The following FDFT1 variants were observed in gnomAD, a reference collection of about 807,000 sequenced individuals.
FDFT1 encodes the protein squalene synthase.
FDFT1 carries 68 observed loss-of-function variants against 46.8 expected under a neutral mutation model. The observed-to-expected ratio is 1.45, with a 90% CI of 1.19 to 1.78. FDFT1 has a LOEUF of 1.78. Among genes scored for constraint, FDFT1 ranks in the 40% most tolerant of loss-of-function variants. The pLI is 0.00. For synonymous variants in FDFT1, 351 were observed against 185.1 expected, an observed-to-expected ratio of 1.90 and a Z score of -7.28; for missense variants, 928 against 524.4, an observed-to-expected ratio of 1.77 and a Z score of -7.52.
chr8:11,806,452 CAG>C lies in FDFT1; in HGVS notation c.100-2341_100-2340del, dbSNP rs1806846101. On this transcript the variant is annotated intron_variant, in intron 1 of 7. Transcript: ENST00000220584. Reference sequence around the variant, plus strand: ...GTAAGGGACTGAAACAAATAGGTGACAGGAAAAAGAGCAGCAGGGGTACGAGC... The same window carrying C: ...GTAAGGGACTGAAACAAATAGGTGACGAAAAAGAGCAGCAGGGGTACGAGC... Among the ~76,000 whole-genome samples the C allele has an allele frequency of 2.0e-5, 3 of 152,010 alleles. No homozygotes were observed. The South Asian group carries it at 6.2e-4, about 32-fold the overall frequency.
At chr8:11,837,262 G>C (rs1271841317) in intron 7 of FDFT1, among the ~76,000 whole-genome samples, 1 of 152,204 alleles carries the variant, frequency 6.6e-6, no homozygotes, top group Non-Finnish European at 1.5e-5. Flanking sequence ...ACAGGGTCTT[G>C]TTCTGTCATC....
intron 1 of FDFT1, among the ~76,000 whole-genome samples, chr8:11,804,745 T>C (rs146923473): frequency 0.012 from 1,791 of 151,732 alleles, 45 homozygotes; most frequent in African/African-American, 0.041. Context: ...TAGCTGGGAT[T>C]ACAGGCACCT....
intron 7 of FDFT1, among the ~76,000 whole-genome samples, chr8:11,835,767 G>C (rs896959578): frequency 3.3e-5 from 5 of 152,094 alleles, no homozygotes; most frequent in East Asian, 3.9e-4. Flanking sequence ...GTGTAGTTTG[G>C]TGCTGATGTT....
At chr8:11,806,685 G>A (rs1020316933) in intron 1 of FDFT1, among the ~76,000 whole-genome samples, 1 of 152,194 alleles carries the variant, frequency 6.6e-6, no homozygotes, top group Non-Finnish European at 1.5e-5. Context: ...ACTTCCTGCT[G>A]TAGCCTGGTA....
intron 3 of FDFT1, among the ~76,000 whole-genome samples, chr8:11,810,183 A>T (rs1045069982): frequency 2.6e-5 from 4 of 151,646 alleles, no homozygotes; most frequent in East Asian, 3.8e-4. Context: ...AATGTTAGCT[A>T]CTGCTGTTAT....
chr8:11,803,018 G>A (rs889898653), intron 1 of FDFT1, 87 bp downstream of exon 1: 1 of 1,513,776 alleles, frequency 6.6e-7, no homozygotes. Flanking sequence ...CCGGATCTGG[G>A]GCAAGGGGCG....
chr8:11,810,410 C>T (rs1213849702), intron 3 of FDFT1, among the ~76,000 whole-genome samples: 1 of 152,198 alleles, frequency 6.6e-6, no homozygotes, highest in Admixed American at 6.5e-5. Context: ...CTGTTGGCAG[C>T]TAGGGCGAGC....
upstream of FDFT1, chr8:11,802,441 G>A (rs527381721): frequency 1.7e-5 from 8 of 460,660 alleles, no homozygotes; most frequent in East Asian, 6.8e-5. Flanking sequence ...CACAGCGTTC[G>A]CGCTCCCAGC....
chr8:11,819,845 T>A (rs796170847), intron 3 of FDFT1, among the ~76,000 whole-genome samples: 5 of 152,256 alleles, frequency 3.3e-5, no homozygotes, highest in African/African-American at 1.2e-4. Context: ...AGCCTACTTC[T>A]GTCAACTCGT....
At chr8:11,826,518 G>A (rs956162531) in intron 5 of FDFT1, among the ~76,000 whole-genome samples, 1 of 152,100 alleles carries the variant, frequency 6.6e-6, no homozygotes, top group Non-Finnish European at 1.5e-5. Context: ...AAGTTCTTAG[G>A]AATGGCTTTG....
intron 7 of FDFT1, among the ~76,000 whole-genome samples, chr8:11,836,769 C>G (rs983006646): frequency 6.6e-6 from 1 of 152,250 alleles, no homozygotes; most frequent in African/African-American, 2.4e-5. Context: ...GGTGGAGTGG[C>G]TCACGCCTGT....
At chr8:11,802,418 CA>C (rs1563289589), upstream of FDFT1, 1 of 458,134 alleles carries the variant, frequency 2.2e-6, no homozygotes. Flanking sequence ...CCCACCGCCT[CA>C]CCTCCAGTCC....
intron 1 of FDFT1, among the ~76,000 whole-genome samples, chr8:11,806,768 T>G (rs1806899135): frequency 1.3e-5 from 2 of 152,290 alleles, no homozygotes; most frequent in East Asian, 3.9e-4. Context: ...CACTCTGAAA[T>G]CCTGCCTCTC....
At chr8:11,815,517 C>G (rs1214211000) in intron 3 of FDFT1, among the ~76,000 whole-genome samples, 1 of 152,214 alleles carries the variant, frequency 6.6e-6, no homozygotes, top group African/African-American at 2.4e-5. Context: ...TTCTCCACAT[C>G]CTCTCCAGCA....
At chr8:11,838,362 A>T in intron 7 of FDFT1, 26 bp from the exon 8 acceptor site, 1 of 1,562,236 alleles carries the variant, frequency 6.4e-7, no homozygotes, top group South Asian at 1.1e-5. Flanking sequence ...CATAGCACTT[A>T]TCATTTTTTC....
chr8:11,806,407 T>G (rs1357268879), intron 1 of FDFT1, among the ~76,000 whole-genome samples: 1 of 152,166 alleles, frequency 6.6e-6, no homozygotes, highest in Non-Finnish European at 1.5e-5. Flanking sequence ...CTTGGTGATT[T>G]GAAGAAACCT....
chr8:11,806,779 G>A (rs116443801), intron 1 of FDFT1, among the ~76,000 whole-genome samples: 1 of 152,112 alleles, frequency 6.6e-6, no homozygotes, highest in Non-Finnish European at 1.5e-5. Context: ...CCTGCCTCTC[G>A]ATATTTTGAG....
chr8:11,828,082 G>A (rs28646165), intron 5 of FDFT1, among the ~76,000 whole-genome samples: 3 of 151,852 alleles, frequency 2.0e-5, no homozygotes, highest in Admixed American at 6.6e-5. Context: ...TACGCTGGTA[G>A]GGCCAGCTAC....
At position 11,838,891 on chromosome 8, in the gene FDFT1, A is replaced by T. The variant is rs1379246778; in HGVS notation, c.*282A>T. 4.7e-6 allele frequency: 2 copies of T among 429,526 alleles called. No individual in the cohort carries two copies. Among genetic ancestry groups the T allele is most frequent in the African/African-American group, 2.0e-5 (1 of 49,166 alleles). The allele number at this position is 429,526 out of a possible 1,614,324, so 26.6% of individuals were successfully genotyped here. ...GCCACGGTTTAGGTGAAGTCGCTGC[A>T]TATGTGACTGTCATGAGATCCTACT... On this transcript the variant is annotated 3_prime_UTR_variant, in exon 8 of 8. Coordinates refer to ENST00000220584, the MANE Select transcript of FDFT1 (RefSeq NM_004462.5).
Sources: gnomAD v4.1 joint callset for allele counts (sites outside exome capture counted in the v4.1 genomes callset) on GRCh38, gnomAD v4.1.1 for gene constraint, MANE v1.5 for transcripts, NCBI Gene and HGNC (gene_info 2026-07-23, HGNC 2026-07-21) for gene names.